The following HECW2 variants were observed in gnomAD, a reference collection of about 807,000 sequenced individuals.
HECW2 encodes HECT, C2 and WW domain containing E3 ubiquitin protein ligase 2.
Under a neutral mutation model 175.2 loss-of-function variants are expected in HECW2, and 61 were observed. That is an observed-to-expected ratio of 0.35 (90% CI 0.28 to 0.43). HECW2 has a LOEUF of 0.43. Among genes scored for constraint, HECW2 ranks in the 20% least tolerant of loss-of-function variants. The pLI, the probability that HECW2 is intolerant of heterozygous loss-of-function variation, is 1.00. For synonymous variants in HECW2, 671 were observed against 731.0 expected (o/e 0.92, Z 1.32); for missense variants, 1,524 against 2,000.5 (o/e 0.76, Z 4.54).
At chr2:196,411,389 A>G (rs1417461708) in intron 2 of HECW2, among the ~76,000 whole-genome samples, 1 of 152,162 alleles carries the variant, frequency 6.6e-6, no homozygotes, top group Non-Finnish European at 1.5e-5. Flanking sequence ...AAAGGTAACA[A>G]TTATTTTCTG....
intron 1 of HECW2, among the ~76,000 whole-genome samples, chr2:196,582,137 A>G (rs1690808861): frequency 6.6e-6 from 1 of 151,206 alleles, no homozygotes; most frequent in African/African-American, 2.5e-5. Flanking sequence ...AACAAATACA[A>G]TAAGTAGCAA....
rs985298013 is a variant in HECW2 at position 196,359,800 on chromosome 2, T to C, written c.293-16036A>G. 8.5e-5 allele frequency among the ~76,000 whole-genome samples: 13 copies of C among 152,280 alleles called. No individual in the cohort carries two copies. The South Asian group carries it at 1.7e-3, about 19-fold the overall frequency. ...TCATCTAATCTCAGCCTGAAAATAT[T>C]AGTTAGAAGCATGTGGGAATGGCTG... On this transcript the variant is annotated intron_variant, in intron 2 of 28. Coordinates refer to ENST00000644978, the MANE Select transcript of HECW2 (RefSeq NM_001348768.2).
intron 3 of HECW2, among the ~76,000 whole-genome samples, chr2:196,342,081 A>T (rs958561655): frequency 1.3e-5 from 2 of 152,120 alleles, no homozygotes; most frequent in African/African-American, 4.8e-5. Flanking sequence ...AACTCAGAAA[A>T]AGTTTAAAAA....
At chr2:196,300,928 T>C (rs1286371778) in intron 13 of HECW2, among the ~76,000 whole-genome samples, 2 of 152,078 alleles carry the variant, frequency 1.3e-5, no homozygotes, top group South Asian at 2.1e-4. Context: ...GTTTGTTACA[T>C]AGACAAATGT....
chr2:196,222,894 TAGTA>T (rs1455816441), intron 23 of HECW2, among the ~76,000 whole-genome samples: 6 of 152,182 alleles, frequency 3.9e-5, no homozygotes, highest in Non-Finnish European at 8.8e-5. Flanking sequence ...ATTCTGAAAA[TAGTA>T]AGCCACAGAA....
intron 1 of HECW2, among the ~76,000 whole-genome samples, chr2:196,463,847 A>T (rs908592735): frequency 1.3e-5 from 2 of 152,214 alleles, no homozygotes; most frequent in Non-Finnish European, 2.9e-5. Context: ...CCAACTAGCA[A>T]CATTCAATAT....
intron 21 of HECW2, among the ~76,000 whole-genome samples, chr2:196,230,534 C>T (rs968168636): frequency 1.2e-4 from 19 of 152,156 alleles, no homozygotes; most frequent in African/African-American, 4.1e-4. Context: ...TTCCTTCAAC[C>T]TTCTCTCAGG....
At chr2:196,334,375 A>C in intron 4 of HECW2, 49 bp downstream of exon 4, 1 of 1,395,106 alleles carries the variant, frequency 7.2e-7, no homozygotes, top group Non-Finnish European at 1.0e-6. Flanking sequence ...AATAGAAATC[A>C]AGACCCAGCA....
In HECW2 at chr2:196,319,437, C is replaced by T. The variant is rs553106959; in HGVS notation, c.1453G>A (p.Glu485Lys). Residue 485 changes from glutamate to lysine, a missense_variant, in exon 9 of 29, where the codon GAG (glutamate) becomes AAG (lysine). Around this residue, in one of 11 missense-constraint regions of HECW2, gnomAD observed 604 missense variants for 588.3 expected, o/e 1.03. Transcript: ENST00000644978. The part of the protein sequence containing the change: ...DLGYPSSLEE[E>K]GGLIMFSRAS... ...CTGCTAAACATGATCAGGCCTCCCTCCTCCTCCAAGGAAGATGGGTAACCC... is the reference window on the plus strand; with the variant it reads ...CTGCTAAACATGATCAGGCCTCCCTTCTCCTCCAAGGAAGATGGGTAACCC... 1 of 1,613,922 alleles carries T rather than the reference C, an allele frequency of 6.2e-7. No individual in the cohort carries two copies. The highest frequency in any genetic ancestry group is 1.3e-5 in the African/African-American group (1 of 75,052).
intron 17 of HECW2, among the ~76,000 whole-genome samples, chr2:196,261,473 T>C (rs1056350329): frequency 1.3e-5 from 2 of 152,130 alleles, no homozygotes; most frequent in African/African-American, 4.8e-5. Flanking sequence ...ATCAAACCAA[T>C]GAATCAGTAG....
At chr2:196,374,236 C>A (rs1186892245) in intron 2 of HECW2, among the ~76,000 whole-genome samples, 1 of 151,980 alleles carries the variant, frequency 6.6e-6, no homozygotes, top group East Asian at 1.9e-4. Context: ...TTTTTAATAA[C>A]ATGGAAAACG....
intron 2 of HECW2, among the ~76,000 whole-genome samples, chr2:196,400,013 G>T (rs1450072203): frequency 6.6e-6 from 1 of 152,094 alleles, no homozygotes; most frequent in African/African-American, 2.4e-5. Context: ...ATTAATAACT[G>T]GGTGCCTGCT....
At chr2:196,230,648 T>C (rs1406418458) in intron 21 of HECW2, among the ~76,000 whole-genome samples, 5 of 152,160 alleles carry the variant, frequency 3.3e-5, no homozygotes, top group Admixed American at 2.0e-4. Context: ...CCTCGACACT[T>C]TTCTCCGGCG....
chr2:196,221,146 GGTGATT>G (rs1391171140), intron 24 of HECW2, among the ~76,000 whole-genome samples: 1 of 152,088 alleles, frequency 6.6e-6, no homozygotes, highest in African/African-American at 2.4e-5. Context: ...TGAAAGCTTT[GGTGATT>G]AAAGTATATA....
intron 2 of HECW2, among the ~76,000 whole-genome samples, chr2:196,425,293 T>C (rs1695512516): frequency 6.6e-6 from 1 of 151,838 alleles, no homozygotes; most frequent in Non-Finnish European, 1.5e-5. Flanking sequence ...AAATTAATGT[T>C]GTTTTCATGC....
chr2:196,452,806 A>C (rs1237583574), intron 1 of HECW2, among the ~76,000 whole-genome samples: 1 of 151,928 alleles, frequency 6.6e-6, no homozygotes, highest in East Asian at 1.9e-4. Context: ...AAAAAAAAAA[A>C]AAAAACATGG....
At chr2:196,440,309 G>T (rs1405616878) in intron 1 of HECW2, among the ~76,000 whole-genome samples, 2 of 152,080 alleles carry the variant, frequency 1.3e-5, no homozygotes, top group East Asian at 3.9e-4. Flanking sequence ...CATAACTTAG[G>T]CCAACTGGAA....
At chr2:196,271,150 T>A (rs1364066161) in intron 17 of HECW2, 43 bp downstream of exon 17, 1 of 1,131,436 alleles carries the variant, frequency 8.8e-7, no homozygotes, top group Non-Finnish European at 1.3e-6. Flanking sequence ...ATTTAATGGT[T>A]TGTGCTTATG....
At position 196,318,893 on chromosome 2, in the gene HECW2, G is replaced by A; in HGVS notation, c.1997C>T (p.Ala666Val). 1.3e-6 allele frequency: 2 copies of A among 1,563,184 alleles called. No individual in the cohort carries two copies. The highest frequency in any genetic ancestry group is 1.7e-6 in the Non-Finnish European group (2 of 1,153,948). Residue 666 changes from alanine to valine, a missense_variant, in exon 9 of 29, where the codon GCA becomes GTA. Physicochemically the swap from Ala to Val is moderately conservative, Grantham distance 64. Around this residue, in one of 11 missense-constraint regions of HECW2, gnomAD observed 604 missense variants for 588.3 expected, o/e 1.03. Transcript: ENST00000644978. ...AAAGGCTGGGGTTTCAGGAAACCGT[G>A]CGCTCTCAAGAGAGGAGCACCGTGT... ...VDTRCSSLESARFPETPAFSS... is the reference protein window; with the variant it reads ...VDTRCSSLESVRFPETPAFSS...
Sources: allele counts gnomAD v4.1 joint callset (sites outside exome capture counted in the v4.1 genomes callset), GRCh38; gene constraint gnomAD v4.1.1; regional missense constraint gnomAD v4.1.1; transcripts MANE v1.5; gene names NCBI Gene and HGNC (gene_info 2026-07-23, HGNC 2026-07-21).